The following SLC5A2 variants were observed in gnomAD, a reference collection of about 807,000 sequenced individuals.
SLC5A2 encodes the protein solute carrier family 5 member 2, also known as sodium/glucose cotransporter 2.
In SLC5A2, 67 loss-of-function variants were observed where a neutral mutation model predicts 69.0. The observed-to-expected ratio is 0.97, with a 90% CI of 0.80 to 1.19. SLC5A2 has a LOEUF of 1.19. Ranked by LOEUF, SLC5A2 falls within the 50% of genes most tolerant of loss-of-function variation. The pLI, the probability that SLC5A2 is intolerant of heterozygous loss-of-function variation, is 0.00. For missense variants in SLC5A2, 1,001 were observed against 921.5 expected (o/e 1.09, Z -1.12); for synonymous variants, 455 against 395.8 (o/e 1.15, Z -1.78).
intron 8 of SLC5A2, 83 bp downstream of exon 8, chr16:31,488,256 G>A: frequency 6.2e-7 from 1 of 1,609,974 alleles, no homozygotes; most frequent in Non-Finnish European, 8.5e-7. Context: ...AGACTCGGCA[G>A]TTTGGGCCCG....
intron 3 of SLC5A2, 113 bp from the exon 4 acceptor site, chr16:31,485,616 C>A (rs990399709): frequency 1.4e-5 from 19 of 1,357,554 alleles, no homozygotes; most frequent in Non-Finnish European, 1.9e-5. Flanking sequence ...TCCTCTGGGC[C>A]CCAGATGTGG....
intron 1 of SLC5A2, among the ~76,000 whole-genome samples, chr16:31,484,439 A>G (rs1310243317): frequency 6.6e-6 from 1 of 151,976 alleles, no homozygotes; most frequent in Non-Finnish European, 1.5e-5. Context: ...GAGAAAAAAA[A>G]AAAAAGAAAG....
chr16:31,488,705 T>G lies in SLC5A2; in HGVS notation c.1213T>G (p.Phe405Val). The stretch of plus-strand genomic sequence containing the variant: ...CATCTTCAACAGCAGCAGCACGCTC[T>G]TCACCATGGACATCTACACGCGCCT... ...ASIFNSSSTL[F>V]TMDIYTRLRP... Residue 405 changes from phenylalanine (F) to valine (V), a missense_variant, in exon 10 of 14, where the codon TTC (phenylalanine) becomes GTC (valine). Physicochemically the swap from Phe to Val is conservative, Grantham distance 50 (BLOSUM62 -1). Coordinates refer to ENST00000330498, the MANE Select transcript of SLC5A2 (RefSeq NM_003041.4). 1 of 1,611,236 alleles carries G rather than the reference T, an allele frequency of 6.2e-7. No homozygotes were observed. Among genetic ancestry groups the G allele is most frequent in the Non-Finnish European group, 8.5e-7 (1 of 1,179,016 alleles).
rs1296120594 is a variant in SLC5A2 at position 31,485,999 on chromosome 16, G to C, written c.468+106G>C. On this transcript the variant is annotated intron_variant, in intron 4 of 13. Transcript: ENST00000330498. ...AGACCTAGGAGAAACCACTGCGAGG[G>C]TTATGATGATGGAGGCAGAGCCTGC... 2.8e-5 allele frequency: 38 copies of C among 1,357,904 alleles called. No homozygotes were observed. The East Asian group carries it at 8.5e-4, about 30-fold the overall frequency. 84.1% of individuals were successfully genotyped at this position (1,357,904 alleles called of 1,614,324 possible).
intron 8 of SLC5A2, 63 bp from the exon 9 acceptor site, chr16:31,488,320 C>A: frequency 2.5e-6 from 4 of 1,596,550 alleles, no homozygotes; most frequent in Non-Finnish European, 3.4e-6. Context: ...ATTCCCAGTC[C>A]CCACCTCCTG....
Position 31,488,781 on chromosome 16 carries a change from TG to T in SLC5A2, c.1280+12del. 6.2e-7 allele frequency: 1 copy of T among 1,600,534 alleles called. No individual in the cohort carries two copies. ...CTGCTGCTGGTGGGACGGTGCGGCC[TG>T]GGCTCCCCTCCTCCCCAACGGATCA... On this transcript the variant is annotated intron_variant, in intron 10 of 13. Transcript: ENST00000330498.
At chr16:31,489,765 C>CAGG in intron 12 of SLC5A2, 1 of 447,398 alleles carries the variant, frequency 2.2e-6, no homozygotes, top group Non-Finnish European at 4.2e-6. Flanking sequence ...TCTGCAGCAG[C>CAGG]AGGAGGAAAG....
In SLC5A2 at chr16:31,485,785, G is replaced by T; in HGVS notation, c.360G>T (p.Ala120=). The T allele has an allele frequency of 6.2e-7, 1 of 1,613,660 alleles. No individual in the cohort carries two copies. Among genetic ancestry groups the T allele is most frequent in the Non-Finnish European group, 8.5e-7 (1 of 1,180,006 alleles). ...GWLFAPVYLT[A]GVITMPQYLR... Reference sequence around the variant, plus strand: ...TGTTTGCACCCGTGTACCTGACAGCGGGGGTCATCACGATGCCACAGTACC... The same window carrying T: ...TGTTTGCACCCGTGTACCTGACAGCTGGGGTCATCACGATGCCACAGTACC... Residue 120 remains alanine, a synonymous_variant, in exon 4 of 14, where the codon GCG becomes GCT. Coordinates refer to ENST00000330498, the MANE Select transcript of SLC5A2 (RefSeq NM_003041.4).
In SLC5A2 at chr16:31,488,159, G is replaced by T. The variant is rs779993355; in HGVS notation, c.1007G>T (p.Arg336Leu). 3 of 1,614,030 alleles carry T rather than the reference G, an allele frequency of 1.9e-6. No homozygotes were observed. The highest frequency in any genetic ancestry group is 2.5e-6 in the Non-Finnish European group (3 of 1,179,962). Residue 336 changes from arginine (R) to leucine (L), a missense_variant, in exon 8 of 14, where the codon CGC (arginine) becomes CTC (leucine). Physicochemically the swap from Arg to Leu is moderately radical, Grantham distance 102. Transcript: ENST00000330498. ...FLMVMPGMIS[R>L]ILYPDEVACV... is the part of the protein sequence containing the mutation. ...ATGGTCATGCCAGGCATGATCAGCC[G>T]CATTCTGTACCCAGGTAACATCCCT... is the stretch of plus-strand genomic sequence containing the variant.
intron 3 of SLC5A2, chr16:31,485,293 G>A (rs577503242): frequency 2.2e-6 from 1 of 450,086 alleles, no homozygotes; most frequent in African/African-American, 2.0e-5. Flanking sequence ...CTTTGCAGAA[G>A]AGAGGAGCAG....
intron 1 of SLC5A2, 81 bp downstream of exon 1, chr16:31,483,343 G>T: frequency 6.4e-7 from 1 of 1,561,302 alleles, no homozygotes; most frequent in Non-Finnish European, 8.8e-7. Context: ...CCCTAGGTGG[G>T]AGAATGATGC....
intron 12 of SLC5A2, 60 bp from the exon 13 acceptor site, chr16:31,490,044 T>C (rs1290648808): frequency 1.2e-6 from 2 of 1,608,972 alleles, no homozygotes; most frequent in Non-Finnish European, 1.7e-6. Flanking sequence ...TGCAAGAGAC[T>C]TTAGGGCCAG....
Position 31,488,140 on chromosome 16 carries a change from A to G in SLC5A2, c.988A>G (p.Met330Val). ...GCTGACGCCCATGTTTCTCATGGTCATGCCAGGCATGATCAGCCGCATTCT... is the reference window on the plus strand; with the variant it reads ...GCTGACGCCCATGTTTCTCATGGTCGTGCCAGGCATGATCAGCCGCATTCT... ...LKLTPMFLMV[M>V]PGMISRILYP... The change falls in exon 8 of 14, where the codon ATG (methionine) becomes GTG (valine). Residue 330 changes from methionine to valine, a missense_variant. Met to Val is a conservative substitution (Grantham distance 21). Transcript: ENST00000330498. 6.2e-7 allele frequency: 1 copy of G among 1,614,094 alleles called. No individual in the cohort carries two copies. Among genetic ancestry groups the G allele is most frequent in the Non-Finnish European group, 8.5e-7 (1 of 1,179,984 alleles).
Position 31,483,235 on chromosome 16 carries a change from C to A in SLC5A2, c.99C>A (p.Phe33Leu). ...ACATCCTAGTCATTGCTGCATATTTCCTGCTGGTCATTGGCGTTGGCTTGT... is the reference window on the plus strand; with the variant it reads ...ACATCCTAGTCATTGCTGCATATTTACTGCTGGTCATTGGCGTTGGCTTGT... ...PADILVIAAYFLLVIGVGLWS... is the reference protein window; with the variant it reads ...PADILVIAAYLLLVIGVGLWS... The change falls in exon 1 of 14, where the codon TTC becomes TTA. Residue 33 changes from phenylalanine (F) to leucine (L), a missense_variant. Phe to Leu is a conservative substitution (Grantham distance 22). Coordinates refer to ENST00000330498, the MANE Select transcript of SLC5A2 (RefSeq NM_003041.4). 6.2e-7 allele frequency: 1 copy of A among 1,613,976 alleles called. No individual in the cohort carries two copies. Among genetic ancestry groups the A allele is most frequent in the Non-Finnish European group, 8.5e-7 (1 of 1,180,018 alleles).
Position 31,489,166 on chromosome 16 carries a change from C to G in SLC5A2, c.1493C>G (p.Ala498Gly). ...GLIGGLLMGLARLIPEFSFGS... is the reference protein window; with the variant it reads ...GLIGGLLMGLGRLIPEFSFGS... ...ATCGGGGGCCTGCTGATGGGCCTGGCACGCCTGATTCCCGAGTTCTCCTTC... is the reference window on the plus strand; with the variant it reads ...ATCGGGGGCCTGCTGATGGGCCTGGGACGCCTGATTCCCGAGTTCTCCTTC... Residue 498 changes from alanine to glycine, a missense_variant, in exon 12 of 14, where the codon GCA (alanine) becomes GGA (glycine). Ala to Gly is a moderately conservative substitution (Grantham distance 60). Coordinates refer to ENST00000330498, the MANE Select transcript of SLC5A2 (RefSeq NM_003041.4). 1 of 1,610,040 alleles carries G rather than the reference C, an allele frequency of 6.2e-7. No homozygotes were observed.
Position 31,490,661 on chromosome 16 carries a change from C to G in SLC5A2, c.*126C>G. 9.1e-7 allele frequency: 1 copy of G among 1,096,328 alleles called. No homozygotes were observed. Among genetic ancestry groups the G allele is most frequent in the Non-Finnish European group, 1.4e-6 (1 of 736,046 alleles). The allele number at this position is 1,096,328 out of a possible 1,614,324, so 67.9% of individuals were successfully genotyped here. The stretch of plus-strand genomic sequence containing the variant: ...AGGTCCTGGCTCCCCTTCTCCCGGC[C>G]TTCCTCTGCCTGGGGCCCACTGCAT... On this transcript the variant is annotated 3_prime_UTR_variant, in exon 14 of 14. Coordinates refer to ENST00000330498, the MANE Select transcript of SLC5A2 (RefSeq NM_003041.4).
chr16:31,487,763 C>G lies in SLC5A2; in HGVS notation c.885+4C>G. On this transcript the variant is annotated splice_donor_region_variant and intron_variant, in intron 7 of 13. Transcript: ENST00000330498. ...CTGGTACTGGTGCAGCGACCAGGTG[C>G]GGGTATAGGGCTGCGCCTGCAGTGA... is the stretch of plus-strand genomic sequence containing the variant. 1 of 1,605,866 alleles carries G rather than the reference C, an allele frequency of 6.2e-7. No individual in the cohort carries two copies. Among genetic ancestry groups the G allele is most frequent in the Non-Finnish European group, 8.5e-7 (1 of 1,177,856 alleles).
intron 12 of SLC5A2, chr16:31,489,542 G>T: frequency 1.6e-6 from 1 of 622,000 alleles, no homozygotes; most frequent in African/African-American, 1.8e-5. Flanking sequence ...TGATGTTGAT[G>T]GGTTGGTGAT....
Position 31,490,129 on chromosome 16 carries a change from G to T in SLC5A2, c.1691G>T (p.Arg564Leu). The T allele has an allele frequency of 6.2e-7, 1 of 1,614,052 alleles. No individual in the cohort carries two copies. Among genetic ancestry groups the T allele is most frequent in the Non-Finnish European group, 8.5e-7 (1 of 1,180,022 alleles). The stretch of plus-strand genomic sequence containing the variant: ...CTCCACCGCCTGGTCTTCAGTCTCC[G>T]GCATAGCAAGGAGGAACGGGAGGAC... ...KHLHRLVFSL[R>L]HSKEEREDLD... is the part of the protein sequence containing the mutation. Residue 564 changes from arginine (R) to leucine (L), a missense_variant, in exon 13 of 14, where the codon CGG becomes CTG. Transcript: ENST00000330498.
Sources: allele counts gnomAD v4.1 joint callset (sites outside exome capture counted in the v4.1 genomes callset), GRCh38; gene constraint gnomAD v4.1.1; transcripts MANE v1.5; gene names NCBI Gene and HGNC (gene_info 2026-07-23, HGNC 2026-07-21).